TRRAP: variants seen among roughly 807,000 people sequenced by gnomAD.
The protein encoded by TRRAP is transformation/transcription domain associated protein, also known as transformation/transcription domain-associated protein.
Under a neutral mutation model 438.8 loss-of-function variants are expected in TRRAP, and 41 were observed. That is an observed-to-expected ratio of 0.09 (90% CI 0.07 to 0.12). The LOEUF is 0.12. Among genes scored for constraint, TRRAP ranks in the 10% least tolerant of loss-of-function variants. The pLI is 1.00. For missense variants in TRRAP, 3,122 were observed against 5,055.1 expected, an observed-to-expected ratio of 0.62 and a Z score of 11.60; for synonymous variants, 1,994 against 1,962.9, an observed-to-expected ratio of 1.02 and a Z score of -0.42.
At chr7:98,945,597 T>G in intron 31 of TRRAP, 150 bp from the exon 32 acceptor site, 56 of 832,380 alleles carry the variant, frequency 6.7e-5, no homozygotes, top group East Asian at 1.4e-4. Flanking sequence ...TTTTTGCTGT[T>G]GAGCATTTGT....
At position 98,914,839 on chromosome 7, in the gene TRRAP, AAAAT is replaced by A. The variant is rs1417406869; in HGVS notation, c.2200-870_2200-867del. On this transcript the variant is annotated intron_variant, in intron 18 of 72. Transcript: ENST00000456197. ...TCCAGAATAATACATACAGTTTTGT[AAAAT>A]AAATAAATAAATATATTCTGCCATA... Among the ~76,000 whole-genome samples, 47 of 151,668 alleles carry A rather than the reference AAAAT, an allele frequency of 3.1e-4. No individual in the cohort carries two copies. In the South Asian group the frequency reaches 3.1e-3, roughly 10 times the overall value.
chr7:98,967,729 G>A, intron 51 of TRRAP, 31 bp downstream of exon 51: 1 of 1,595,074 alleles, frequency 6.3e-7, no homozygotes, highest in Non-Finnish European at 8.6e-7. Flanking sequence ...TCTGTGGCCG[G>A]GGGCAGCTGT....
At chr7:98,967,926 G>A (rs1158185761) in intron 51 of TRRAP, among the ~76,000 whole-genome samples, 1 of 152,134 alleles carries the variant, frequency 6.6e-6, no homozygotes, top group African/African-American at 2.4e-5. Flanking sequence ...GTATATTTTT[G>A]TAGGTGAAGA....
In TRRAP at chr7:98,900,515, G is replaced by A. The variant is rs560638879; in HGVS notation, c.801-109G>A. Reference sequence around the variant, plus strand: ...TTTGCTATTGTTGCTGTGTTGTTTGGGTCTGTGTGGAAATCAATCTTTTGG... The same window carrying A: ...TTTGCTATTGTTGCTGTGTTGTTTGAGTCTGTGTGGAAATCAATCTTTTGG... On this transcript the variant is annotated intron_variant, in intron 10 of 72. Coordinates refer to ENST00000456197, the MANE Select transcript of TRRAP (RefSeq NM_001375524.1). 4.8e-6 allele frequency: 4 copies of A among 834,426 alleles called. No individual in the cohort carries two copies. The African/African-American group carries it at 5.1e-5, about 11-fold the overall frequency. 51.7% of individuals were successfully genotyped at this position (834,426 alleles called of 1,614,324 possible). A position where few individuals can be genotyped will look rare whatever the true frequency, so the allele number is the denominator to read the frequency against.
intron 14 of TRRAP, among the ~76,000 whole-genome samples, chr7:98,909,854 G>A (rs1796983825): frequency 6.6e-6 from 1 of 152,186 alleles, no homozygotes; most frequent in Non-Finnish European, 1.5e-5. Flanking sequence ...CACCAGTTTT[G>A]TTGGGTTGGT....
At chr7:98,913,310 T>C (rs143025018) in intron 18 of TRRAP, among the ~76,000 whole-genome samples, 8 of 145,388 alleles carry the variant, frequency 5.5e-5, no homozygotes, top group Admixed American at 4.8e-4. Context: ...TTTTTTTGGG[T>C]TTTTTTTTTG....
chr7:98,915,634 C>A, intron 18 of TRRAP, 89 bp from the exon 19 acceptor site: 1 of 1,475,000 alleles, frequency 6.8e-7, no homozygotes, highest in Non-Finnish European at 9.1e-7. Context: ...CCTTCCATTG[C>A]TGTCGGATTA....
chr7:98,985,229 A>G (rs917790167), intron 62 of TRRAP, among the ~76,000 whole-genome samples, 185 bp downstream of exon 62: 8 of 152,246 alleles, frequency 5.3e-5, no homozygotes, highest in African/African-American at 1.7e-4. Context: ...TGATAAGCCT[A>G]TTTGATGTGT....
intron 1 of TRRAP, among the ~76,000 whole-genome samples, chr7:98,880,216 A>G (rs1046352602): frequency 2.0e-5 from 3 of 149,366 alleles, no homozygotes; most frequent in Non-Finnish European, 3.0e-5. Context: ...CGTACGACCA[A>G]GGTTGCCCCA....
At chr7:98,886,088 CA>C (rs1160985976) in intron 3 of TRRAP, among the ~76,000 whole-genome samples, 1 of 152,144 alleles carries the variant, frequency 6.6e-6, no homozygotes, top group East Asian at 1.9e-4. Context: ...AGTTCGAGAC[CA>C]ACCTGGCCAA....
At chr7:98,895,184 G>A (rs1796145154) in intron 6 of TRRAP, among the ~76,000 whole-genome samples, 1 of 152,170 alleles carries the variant, frequency 6.6e-6, no homozygotes, top group South Asian at 2.1e-4. Flanking sequence ...AGGATTGTAG[G>A]CATGAGCCAC....
chr7:98,947,970 G>T (rs1330206353), intron 33 of TRRAP, among the ~76,000 whole-genome samples: 1 of 152,184 alleles, frequency 6.6e-6, no homozygotes, highest in Non-Finnish European at 1.5e-5. Flanking sequence ...ATCACATCGG[G>T]TGTACACCGT....
At chr7:98,932,942 C>G (rs1790389640) in intron 26 of TRRAP, among the ~76,000 whole-genome samples, 1 of 151,644 alleles carries the variant, frequency 6.6e-6, no homozygotes, top group Non-Finnish European at 1.5e-5. Context: ...GGGTAGCATT[C>G]CTGAGGCTAT....
chr7:98,915,510 A>G (rs547216347), intron 18 of TRRAP, among the ~76,000 whole-genome samples: 2 of 152,224 alleles, frequency 1.3e-5, no homozygotes, highest in South Asian at 4.1e-4. Flanking sequence ...TTATTTTTGC[A>G]TTTCATTTGT....
In TRRAP at chr7:98,962,313, G is replaced by A. The variant is rs758137011; in HGVS notation, c.6715G>A (p.Val2239Met). ...IFPTEPSTSSVASKYEELECL... is the reference protein window; with the variant it reads ...IFPTEPSTSSMASKYEELECL... Reference sequence around the variant, plus strand: ...CTGCCCTGTTGTAGGTACTTCCAGTGTGGCCTCCAAATATGAAGAGCTGGA... The same window carrying A: ...CTGCCCTGTTGTAGGTACTTCCAGTATGGCCTCCAAATATGAAGAGCTGGA... The change falls in exon 47 of 73, where the codon GTG (valine) becomes ATG (methionine). Residue 2239 changes from valine to methionine, a missense_variant. Physicochemically the swap from Val to Met is conservative, Grantham distance 21 (BLOSUM62 1). Coordinates refer to ENST00000456197, the MANE Select transcript of TRRAP (RefSeq NM_001375524.1). 1.2e-6 allele frequency: 2 copies of A among 1,614,198 alleles called. No individual in the cohort carries two copies. The highest frequency in any genetic ancestry group is 1.7e-6 in the Non-Finnish European group (2 of 1,180,026).
chr7:98,976,596 G>A lies in TRRAP; in HGVS notation c.8073G>A (p.Pro2691=), dbSNP rs947111888. The part of the protein sequence containing the change: ...CFVEAMSQCV[P]PIPIRPCVLK... Reference sequence around the variant, plus strand: ...TGGAAGCCATGTCCCAGTGCGTGCCGCCAATCCCCATCCGACCCTGCGTCC... The same window carrying A: ...TGGAAGCCATGTCCCAGTGCGTGCCACCAATCCCCATCCGACCCTGCGTCC... Residue 2691 remains proline (P), a synonymous_variant, in exon 55 of 73, where the codon CCG becomes CCA. Transcript: ENST00000456197. This position sits in a 1 kb window ranked among gnomAD's most constrained non-coding sequence, Gnocchi z 4.6. The A allele has an allele frequency of 1.7e-5, 28 of 1,614,146 alleles. No homozygotes were observed. The highest frequency in any genetic ancestry group is 8.9e-5 in the East Asian group (4 of 44,878).
intron 53 of TRRAP, chr7:98,975,921 C>G (rs1355645597): frequency 3.9e-6 from 2 of 515,660 alleles, no homozygotes; most frequent in South Asian, 3.2e-5. Context: ...GGCGCCATTG[C>G]TGAGCCTCTC....
At chr7:98,887,678 C>T (rs1303758313) in intron 3 of TRRAP, among the ~76,000 whole-genome samples, 3 of 129,752 alleles carry the variant, frequency 2.3e-5, no homozygotes, top group Non-Finnish European at 4.6e-5. Flanking sequence ...TGCAGTGAGC[C>T]GAGATTGTAC....
chr7:98,971,160 T>G (rs1178760010), intron 52 of TRRAP, among the ~76,000 whole-genome samples: 1 of 152,236 alleles, frequency 6.6e-6, no homozygotes, highest in Non-Finnish European at 1.5e-5. Context: ...AAAATTTTTT[T>G]CCTTTTTTTA....
Sources: gnomAD v4.1 joint callset for allele counts (sites outside exome capture counted in the v4.1 genomes callset) on GRCh38, gnomAD v4.1.1 for gene constraint, Gnocchi (gnomAD v3.1) non-coding constraint, MANE v1.5 for transcripts, NCBI Gene and HGNC (gene_info 2026-07-23, HGNC 2026-07-21) for gene names.